The following LRMDA variants were observed in gnomAD, a reference collection of about 807,000 sequenced individuals.
LRMDA encodes leucine rich melanocyte differentiation associated, also known as leucine-rich melanocyte differentiation-associated protein.
A neutral mutation model predicts 29.8 loss-of-function variants in LRMDA; 18 were observed. That is an observed-to-expected ratio of 0.60 (90% CI 0.42 to 0.90). LRMDA has a LOEUF of 0.90. Ranked by LOEUF, LRMDA falls within the 40% of genes least tolerant of loss-of-function variation. The pLI is 0.00. For synonymous variants in LRMDA, 125 were observed against 109.4 expected, an observed-to-expected ratio of 1.14 and a Z score of -0.89; for missense variants, 273 against 273.9, an observed-to-expected ratio of 1.00 and a Z score of 0.02.
At chr10:76,145,370 C>G (rs1204307971) in intron 5 of LRMDA, among the ~76,000 whole-genome samples, 2 of 152,076 alleles carry the variant, frequency 1.3e-5, no homozygotes, top group Admixed American at 6.5e-5. Flanking sequence ...ATTTCAGAGC[C>G]TGTTTTTGGT....
chr10:75,845,211 T>G (rs377380407), intron 2 of LRMDA, among the ~76,000 whole-genome samples: 5 of 33,388 alleles, frequency 1.5e-4, no homozygotes, highest in African/African-American at 2.7e-4. Context: ...GAGCCACAGG[T>G]TTTTTTTTTA....
chr10:76,085,108 T>C (rs190539821), intron 5 of LRMDA, among the ~76,000 whole-genome samples: 1 of 152,268 alleles, frequency 6.6e-6, no homozygotes, highest in African/African-American at 2.4e-5. Context: ...GAGAAGGTTG[T>C]AAAGAATATG....
chr10:75,488,125 A>G lies in LRMDA; in HGVS notation c.131+49631A>G, dbSNP rs186594161. On this transcript the variant is annotated intron_variant, in intron 2 of 6. Coordinates refer to ENST00000611255, the MANE Select transcript of LRMDA (RefSeq NM_001305581.2). ...TGAATTTGGGAGGCTGAGGATGCTAAATGGTGTATGCCCTGCCTCTGTTTT... is the reference window on the plus strand; with the variant it reads ...TGAATTTGGGAGGCTGAGGATGCTAGATGGTGTATGCCCTGCCTCTGTTTT... 1.6e-3 allele frequency among the ~76,000 whole-genome samples: 238 copies of G among 152,148 alleles called. 2 individuals carry two copies. Among genetic ancestry groups the G allele is most frequent in the Non-Finnish European group, 7.8e-4 (53 of 67,994 alleles).
chr10:76,021,521 A>G (rs10762688), intron 2 of LRMDA, among the ~76,000 whole-genome samples: 72,501 of 152,032 alleles, frequency 0.48, 17,602 homozygotes, highest in African/African-American at 0.53. Flanking sequence ...GGCCTGTCCT[A>G]ACCTGAGTTT....
intron 5 of LRMDA, among the ~76,000 whole-genome samples, chr10:76,163,948 C>CT (rs759101961): frequency 3.3e-4 from 50 of 152,238 alleles, no homozygotes; most frequent in Non-Finnish European, 5.7e-4. Context: ...GGGCCATTTG[C>CT]TTTTCTGGAA....
At chr10:76,132,700 G>A (rs1850015040) in intron 5 of LRMDA, among the ~76,000 whole-genome samples, 1 of 152,166 alleles carries the variant, frequency 6.6e-6, no homozygotes, top group Non-Finnish European at 1.5e-5. Context: ...ATCGGAGTAC[G>A]AGTATCGGAG....
chr10:75,643,058 T>C (rs1337378045), intron 2 of LRMDA: 1 of 152,158 alleles, frequency 6.6e-6, no homozygotes, highest in Non-Finnish European at 1.5e-5. Context: ...TGGGCTTGGC[T>C]TCATGGCCAC....
At chr10:76,185,455 A>G (rs1237213390) in intron 5 of LRMDA, among the ~76,000 whole-genome samples, 1 of 152,226 alleles carries the variant, frequency 6.6e-6, no homozygotes, top group South Asian at 2.1e-4. Flanking sequence ...GATTGTGAGG[A>G]CTGGACAAAG....
intron 6 of LRMDA, among the ~76,000 whole-genome samples, chr10:76,511,841 CTT>C (rs139260230): frequency 2.1e-5 from 3 of 144,062 alleles, no homozygotes; most frequent in Non-Finnish European, 3.0e-5. Context: ...TCTCAGCTGG[CTT>C]TTTTTTTTTT....
At chr10:75,716,343 C>A (rs892237446) in intron 2 of LRMDA, among the ~76,000 whole-genome samples, 1 of 152,160 alleles carries the variant, frequency 6.6e-6, no homozygotes, top group Admixed American at 6.5e-5. Flanking sequence ...ACCTTGGAAA[C>A]CTTTTATCTT....
intron 2 of LRMDA, among the ~76,000 whole-genome samples, chr10:75,776,855 G>T (rs1447749871): frequency 6.6e-6 from 1 of 152,190 alleles, no homozygotes; most frequent in African/African-American, 2.4e-5. Context: ...AATTATGGCC[G>T]TGCTGTCAAC....
intron 6 of LRMDA, among the ~76,000 whole-genome samples, chr10:76,393,129 A>T (rs1841743223): frequency 6.6e-6 from 1 of 152,176 alleles, no homozygotes; most frequent in African/African-American, 2.4e-5. Flanking sequence ...TATTGTGAAT[A>T]ATTGCTGCAT....
rs535824289 is a variant in LRMDA at position 75,807,084 on chromosome 10, G to T, written c.132-228924G>T. Among the ~76,000 whole-genome samples the T allele has an allele frequency of 1.5e-4, 23 of 152,266 alleles. 1 individual carries two copies. In the South Asian group the frequency reaches 4.4e-3, roughly 29 times the overall value. Reference sequence around the variant, plus strand: ...TTAAGCTCTGGAATCCCTGTGGGGGGTGAGTGTGCAGAATATGTTCTCACC... The same window carrying T: ...TTAAGCTCTGGAATCCCTGTGGGGGTTGAGTGTGCAGAATATGTTCTCACC... On this transcript the variant is annotated intron_variant, in intron 2 of 6. Coordinates refer to ENST00000611255, the MANE Select transcript of LRMDA (RefSeq NM_001305581.2).
chr10:75,807,064 C>T (rs1373027094), intron 2 of LRMDA, among the ~76,000 whole-genome samples: 2 of 152,142 alleles, frequency 1.3e-5, no homozygotes, highest in Non-Finnish European at 2.9e-5. Context: ...CCTGTTTAAG[C>T]TCTGGAATCC....
intron 6 of LRMDA, among the ~76,000 whole-genome samples, chr10:76,450,297 A>C (rs189922193): frequency 6.6e-6 from 1 of 152,160 alleles, no homozygotes; most frequent in African/African-American, 2.4e-5. Context: ...TTTTGCAAAG[A>C]AGGGTGAGGC....
chr10:75,440,776 C>T (rs1286470244), intron 2 of LRMDA, among the ~76,000 whole-genome samples: 2 of 152,196 alleles, frequency 1.3e-5, no homozygotes, highest in African/African-American at 4.8e-5. Context: ...TGGCTCATAG[C>T]TGTAATCCCA....
At chr10:75,750,478 CG>C (rs1332758084) in intron 2 of LRMDA, among the ~76,000 whole-genome samples, 3 of 97,616 alleles carry the variant, frequency 3.1e-5, no homozygotes, top group African/African-American at 4.8e-5. Context: ...ACATCCCAGA[CG>C]GGGCGGGGGG....
At chr10:76,127,314 T>C (rs1849901189) in intron 5 of LRMDA, among the ~76,000 whole-genome samples, 1 of 152,212 alleles carries the variant, frequency 6.6e-6, no homozygotes, top group Non-Finnish European at 1.5e-5. Flanking sequence ...ACATTCATAG[T>C]AGAAGCACTC....
intron 5 of LRMDA, among the ~76,000 whole-genome samples, chr10:76,220,895 C>T (rs1354005907): frequency 6.6e-6 from 1 of 152,070 alleles, no homozygotes; most frequent in African/African-American, 2.4e-5. Flanking sequence ...AAACCGAATC[C>T]AGCAGCACAT....
Sources: gnomAD v4.1 joint callset for allele counts (sites outside exome capture counted in the v4.1 genomes callset) on GRCh38, gnomAD v4.1.1 for gene constraint, MANE v1.5 for transcripts, NCBI Gene and HGNC (gene_info 2026-07-23, HGNC 2026-07-21) for gene names.